DIXDC1: variants seen among roughly 807,000 people sequenced by gnomAD.
The protein encoded by DIXDC1 is dixin.
In DIXDC1, 64 loss-of-function variants were observed where a neutral mutation model predicts 103.1. The observed-to-expected ratio is 0.62, with a 90% confidence interval of 0.51 to 0.76. The LOEUF (loss-of-function observed/expected upper bound fraction) is 0.76, where lower values mean the gene tolerates loss of function less well. DIXDC1 is among the 30% of genes least tolerant of loss of function. The pLI is 0.00. For synonymous variants in DIXDC1, 266 were observed against 298.5 expected (o/e 0.89, Z 1.12); for missense variants, 759 against 834.2 (o/e 0.91, Z 1.11).
upstream of DIXDC1, chr11:111,937,243 G>A (rs587731947): frequency 5.8e-3 from 7,048 of 1,213,168 alleles, 28 homozygotes; most frequent in Non-Finnish European, 6.6e-3. Flanking sequence ...CGGCAGCGCC[G>A]CTCAACCTAG....
intron 1 of DIXDC1, chr11:111,946,878 CA>C: frequency 2.9e-6 from 1 of 349,606 alleles, no homozygotes; most frequent in South Asian, 2.5e-5. Flanking sequence ...AATGGTATGC[CA>C]AATGCTGGAC....
In DIXDC1 at chr11:112,019,072, T is replaced by TCAG; in HGVS notation, c.*38_*39insGCA. Reference sequence around the variant, plus strand: ...CAGATTGAGGGCTTATGGAACCTGGTCACTCCCTGGCTGCTTCACTCAGGA... The same window carrying TCAG: ...CAGATTGAGGGCTTATGGAACCTGGTCAGCACTCCCTGGCTGCTTCACTCAGGA... On this transcript the variant is annotated 3_prime_UTR_variant, in exon 20 of 20. Coordinates refer to ENST00000440460, the MANE Select transcript of DIXDC1 (RefSeq NM_001037954.4). 1 of 1,575,432 alleles carries TCAG rather than the reference T, an allele frequency of 6.3e-7. No individual in the cohort carries two copies. Among genetic ancestry groups the TCAG allele is most frequent in the Non-Finnish European group, 8.7e-7 (1 of 1,146,692 alleles).
Position 111,932,282 on chromosome 11 carries a change from C to T in DIXDC1, c.57+2372C>T, listed in dbSNP as rs137953560. Among the ~76,000 whole-genome samples, 95 of 151,832 alleles carry T rather than the reference C, an allele frequency of 6.3e-4. 1 individual carries two copies. The East Asian group carries it at 0.014, about 22-fold the overall frequency. On this transcript the variant is annotated intron_variant, in intron 2 of 5. Transcript: ENST00000529225. ...TCAACTCCTGACTTCAAGTGATCCT[C>T]CTGCCTCGGCCTCCCAAAGTGTTGG...
chr11:112,009,889 A>G (rs975580291), intron 17 of DIXDC1, among the ~76,000 whole-genome samples: 8 of 152,236 alleles, frequency 5.3e-5, no homozygotes, highest in Non-Finnish European at 1.2e-4. Flanking sequence ...ATTTCTTTTG[A>G]AAACTGGCAC....
At chr11:112,005,981 G>A (rs978573456) in intron 17 of DIXDC1, among the ~76,000 whole-genome samples, 7 of 152,282 alleles carry the variant, frequency 4.6e-5, no homozygotes, top group Admixed American at 2.0e-4. Flanking sequence ...AGGGCAGGGC[G>A]TCGCCTCACC....
At chr11:111,975,075 C>T (rs1860055031) in intron 5 of DIXDC1, 92 bp downstream of exon 5, 1 of 1,536,516 alleles carries the variant, frequency 6.5e-7, no homozygotes, top group Non-Finnish European at 8.8e-7. Context: ...CACCTAAGCC[C>T]TTTTTCTCCC....
chr11:112,013,374 A>T (rs1555177409), intron 17 of DIXDC1, among the ~76,000 whole-genome samples: 1 of 148,612 alleles, frequency 6.7e-6, no homozygotes, highest in Non-Finnish European at 1.5e-5. Context: ...TATTATTTTC[A>T]TATTTATTTT....
intron 1 of DIXDC1, among the ~76,000 whole-genome samples, chr11:111,927,746 G>A (rs1251530215): frequency 6.6e-6 from 1 of 152,122 alleles, no homozygotes; most frequent in African/African-American, 2.4e-5. Context: ...GCCGGGCGCG[G>A]TGGCTCACGC....
chr11:111,961,810 T>G (rs1555171127), intron 1 of DIXDC1, among the ~76,000 whole-genome samples: 2 of 152,248 alleles, frequency 1.3e-5, no homozygotes, highest in African/African-American at 4.8e-5. Context: ...TTCAAACAAA[T>G]ATTTGTTGAG....
Position 112,019,083 on chromosome 11 carries a change from C to G in DIXDC1, c.*47C>G, listed in dbSNP as rs781819399. 8 of 1,526,324 alleles carry G rather than the reference C, an allele frequency of 5.2e-6. No homozygotes were observed. The highest frequency in any genetic ancestry group is 2.3e-5 in the South Asian group (2 of 86,642). The allele number at this position is 1,526,324 out of a possible 1,614,324, so 94.5% of individuals were successfully genotyped here. On this transcript the variant is annotated 3_prime_UTR_variant, in exon 20 of 20. Coordinates refer to ENST00000440460, the MANE Select transcript of DIXDC1 (RefSeq NM_001037954.4). ...CTTATGGAACCTGGTCACTCCCTGG[C>G]TGCTTCACTCAGGAAAGGGAACTAA...
intron 1 of DIXDC1, among the ~76,000 whole-genome samples, chr11:111,941,868 A>ACACACC (rs1966430384): frequency 1.3e-5 from 2 of 151,480 alleles, no homozygotes; most frequent in Non-Finnish European, 2.9e-5. Flanking sequence ...ACACACACAC[A>ACACACC]CACACCCACG....
chr11:111,962,339 C>T (rs1005644064), intron 1 of DIXDC1, among the ~76,000 whole-genome samples: 2 of 151,960 alleles, frequency 1.3e-5, no homozygotes, highest in Admixed American at 6.6e-5. Context: ...AAAATTAGCC[C>T]GGCGTGGTGG....
At chr11:111,968,835 C>T (rs1185144945) in intron 3 of DIXDC1, among the ~76,000 whole-genome samples, 197 bp downstream of exon 3, 1 of 152,062 alleles carries the variant, frequency 6.6e-6, no homozygotes, top group Non-Finnish European at 1.5e-5. Flanking sequence ...AGTGCAATGG[C>T]ACAATCTTGG....
In DIXDC1 at chr11:111,993,770, CATTT is replaced by C. The variant is rs782195788; in HGVS notation, c.1437+33_1437+36del. The C allele has an allele frequency of 9.3e-6, 15 of 1,610,310 alleles. No individual in the cohort carries two copies. The East Asian group carries it at 3.1e-4, about 34-fold the overall frequency. ...CCTAGACCCCGTGTTCTCCCTCCCA[CATTT>C]ATGAAGCAAACGGGGAGATTGTGTT... On this transcript the variant is annotated intron_variant, in intron 14 of 19. Coordinates refer to ENST00000440460, the MANE Select transcript of DIXDC1 (RefSeq NM_001037954.4).
At position 111,974,229 on chromosome 11, in the gene DIXDC1, C is replaced by G; in HGVS notation, c.523C>G (p.Arg175Gly). The change falls in exon 4 of 20, where the codon CGG (arginine) becomes GGG (glycine). Residue 175 changes from arginine to glycine, a missense_variant. Transcript: ENST00000440460. ...DVCHDMSRSG[R>G]DVFRYRQRNS... ...GTGTCATGACATGTCCCGATCAGGA[C>G]GGGATGTCTTTCGATATAGACAGAG... 6.2e-7 allele frequency: 1 copy of G among 1,613,664 alleles called. No homozygotes were observed. Among genetic ancestry groups the G allele is most frequent in the Non-Finnish European group, 8.5e-7 (1 of 1,179,818 alleles).
intron 19 of DIXDC1, 136 bp downstream of exon 19, chr11:112,018,021 T>C (rs1351370056): frequency 1.7e-6 from 1 of 596,662 alleles, no homozygotes; most frequent in Non-Finnish European, 2.9e-6. Flanking sequence ...CCTCAGACCA[T>C]GGTCTGATTA....
intron 17 of DIXDC1, among the ~76,000 whole-genome samples, chr11:112,003,243 C>T (rs1555176182): frequency 1.3e-5 from 2 of 152,064 alleles, no homozygotes; most frequent in Non-Finnish European, 1.5e-5. Context: ...TGGCTCATGC[C>T]TGTAATCCCA....
intron 9 of DIXDC1, among the ~76,000 whole-genome samples, chr11:111,988,599 A>G (rs1555174133): frequency 6.6e-6 from 1 of 152,222 alleles, no homozygotes; most frequent in Non-Finnish European, 1.5e-5. Flanking sequence ...AACATTAAAA[A>G]TAGGGATAAT....
intron 1 of DIXDC1, among the ~76,000 whole-genome samples, chr11:111,940,465 G>T (rs1486401755): frequency 6.6e-6 from 1 of 152,080 alleles, no homozygotes; most frequent in African/African-American, 2.4e-5. Flanking sequence ...TGTTTTCTCT[G>T]CTGCTTGATA....
Sources: allele counts gnomAD v4.1 joint callset (sites outside exome capture counted in the v4.1 genomes callset), GRCh38; gene constraint gnomAD v4.1.1; transcripts MANE v1.5; gene names NCBI Gene and HGNC (gene_info 2026-07-23, HGNC 2026-07-21).